PIGK: variants seen among roughly 807,000 people sequenced by gnomAD.
PIGK encodes the protein phosphatidylinositol glycan anchor biosynthesis class K.
Under a neutral mutation model 50.6 loss-of-function variants are expected in PIGK, and 42 were observed. The ratio of observed to expected loss-of-function variants is 0.83; its 90% CI spans 0.65 to 1.07. PIGK has a LOEUF of 1.07. PIGK is among the 50% of genes least tolerant of loss of function. The pLI, the probability that PIGK is intolerant of heterozygous loss-of-function variation, is 0.00. For synonymous variants in PIGK, 151 were observed against 156.0 expected (o/e 0.97, Z 0.24); for missense variants, 448 against 488.7 (o/e 0.92, Z 0.78).
intron 9 of PIGK, among the ~76,000 whole-genome samples, chr1:77,133,036 T>C (rs1481806843): frequency 6.6e-6 from 1 of 152,198 alleles, no homozygotes. Flanking sequence ...ATTAACTGAA[T>C]ATGTGGTCCG....
At chr1:77,180,703 G>A (rs113213211) in intron 3 of PIGK, among the ~76,000 whole-genome samples, 5 of 140,782 alleles carry the variant, frequency 3.6e-5, no homozygotes, top group African/African-American at 1.3e-4. Flanking sequence ...AGGACAACTA[G>A]AAGTGGGTGG....
chr1:77,211,985 T>A (rs1219390258), intron 1 of PIGK, among the ~76,000 whole-genome samples: 2 of 152,102 alleles, frequency 1.3e-5, no homozygotes, highest in African/African-American at 2.4e-5. Context: ...ATGCTTCCTG[T>A]TAAAAATTTC....
rs1206370702 is a variant in PIGK at position 77,122,747 on chromosome 1, T to C, written c.987-388A>G. Among the ~76,000 whole-genome samples, 3 of 152,336 alleles carry C rather than the reference T, an allele frequency of 2.0e-5. 1 individual carries two copies. The South Asian group carries it at 6.2e-4, about 32-fold the overall frequency. On this transcript the variant is annotated intron_variant, in intron 9 of 10. Coordinates refer to ENST00000370812, the MANE Select transcript of PIGK (RefSeq NM_005482.3). ...ACCCTTTCTCTATTTAACAGTCTAC[T>C]GTTTTAGTTATATTTAACTACTGGC...
intron 3 of PIGK, among the ~76,000 whole-genome samples, chr1:77,196,922 G>T (rs923047579): frequency 6.6e-6 from 1 of 151,976 alleles, no homozygotes; most frequent in Admixed American, 6.6e-5. Flanking sequence ...TATTTCCTAA[G>T]TTTTCTTCTA....
chr1:77,183,542 T>C (rs1371323980), intron 3 of PIGK, among the ~76,000 whole-genome samples: 3 of 152,182 alleles, frequency 2.0e-5, no homozygotes, highest in African/African-American at 4.8e-5. Flanking sequence ...GGAGGTGCAC[T>C]ACACTTGAAG....
chr1:77,198,802 C>G (rs1279370923), intron 3 of PIGK, among the ~76,000 whole-genome samples: 4 of 152,008 alleles, frequency 2.6e-5, no homozygotes, highest in Non-Finnish European at 5.9e-5. Flanking sequence ...AGCCCCTTCT[C>G]TCTAAATTAA....
rs144243006 is a variant in PIGK at position 77,160,518 on chromosome 1, G to A, written c.813+777C>T. ...TTCTAAGTCCCATGAAAGCAGGAAC[G>A]GCATCTGCCTCTTTCATTAGGAACA... On this transcript the variant is annotated intron_variant, in intron 8 of 10. Transcript: ENST00000370812. 2.7e-3 allele frequency among the ~76,000 whole-genome samples: 416 copies of A among 152,254 alleles called. 2 individuals carry two copies. Among genetic ancestry groups the A allele is most frequent in the African/African-American group, 8.4e-3 (347 of 41,552 alleles).
At chr1:77,123,821 G>A (rs1242587831) in intron 9 of PIGK, among the ~76,000 whole-genome samples, 3 of 151,962 alleles carry the variant, frequency 2.0e-5, no homozygotes, top group Non-Finnish European at 2.9e-5. Flanking sequence ...GGGCTGAATT[G>A]TGCCCTTCAA....
chr1:77,088,999 A>T lies in PIGK; in HGVS notation c.*3375T>A, dbSNP rs926884570. On this transcript the variant is annotated 3_prime_UTR_variant, in exon 11 of 11. Transcript: ENST00000370812. ...TGCCACCTTTCCATGTTTGGAGTAA[A>T]TAAATTTTTAATAACCAGTTTCTTG... 1.3e-5 allele frequency: 2 copies of T among 152,184 alleles called. No homozygotes were observed. The highest frequency in any genetic ancestry group is 2.9e-5 in the Non-Finnish European group (2 of 68,046). The allele number at this position is 152,184 out of a possible 1,614,324, so 9.4% of individuals were successfully genotyped here.
At chr1:77,162,607 T>A (rs970223935) in intron 6 of PIGK, among the ~76,000 whole-genome samples, 1 of 152,150 alleles carries the variant, frequency 6.6e-6, no homozygotes, top group Admixed American at 6.6e-5. Context: ...CAGGTATCCA[T>A]TGCACAATAA....
At chr1:77,121,299 C>T (rs1654090349) in intron 10 of PIGK, among the ~76,000 whole-genome samples, 1 of 152,094 alleles carries the variant, frequency 6.6e-6, no homozygotes, top group Admixed American at 6.5e-5. Flanking sequence ...TAAACTGGAC[C>T]TGATTACCAA....
chr1:77,122,506 T>A (rs1244670998), intron 9 of PIGK, 147 bp from the exon 10 acceptor site: 1 of 574,174 alleles, frequency 1.7e-6, no homozygotes, highest in East Asian at 2.9e-5. Flanking sequence ...TTTGAAACAC[T>A]ACCATTGAAA....
At chr1:77,126,415 C>A (rs1463081880) in intron 9 of PIGK, among the ~76,000 whole-genome samples, 2 of 152,070 alleles carry the variant, frequency 1.3e-5, no homozygotes, top group East Asian at 3.8e-4. Flanking sequence ...TTTCTCAGTT[C>A]AACAGCACCC....
chr1:77,187,557 C>T (rs753022234), intron 3 of PIGK, among the ~76,000 whole-genome samples: 2 of 152,198 alleles, frequency 1.3e-5, no homozygotes, highest in Non-Finnish European at 2.9e-5. Flanking sequence ...AAGGGAGTTA[C>T]AGTGTCAGTT....
chr1:77,212,107 C>A (rs547329256), intron 1 of PIGK, among the ~76,000 whole-genome samples: 6 of 152,084 alleles, frequency 3.9e-5, no homozygotes, highest in Non-Finnish European at 8.8e-5. Flanking sequence ...TAAAGTAAGT[C>A]TAAATTATAT....
At chr1:77,207,307 T>A (rs1656312841) in intron 2 of PIGK, among the ~76,000 whole-genome samples, 2 of 152,228 alleles carry the variant, frequency 1.3e-5, no homozygotes, top group South Asian at 4.1e-4. Flanking sequence ...AACTTAGTTA[T>A]CACAATTTCT....
At chr1:77,092,785 C>T (rs1282171048) in intron 10 of PIGK, among the ~76,000 whole-genome samples, 4 of 152,074 alleles carry the variant, frequency 2.6e-5, no homozygotes, top group African/African-American at 9.7e-5. Flanking sequence ...TACTCAGTAG[C>T]CTAACAGTCT....
chr1:77,215,939 A>G (rs985303186), intron 1 of PIGK, among the ~76,000 whole-genome samples: 6 of 152,164 alleles, frequency 3.9e-5, no homozygotes, highest in African/African-American at 1.4e-4. Context: ...AAGAATAGGA[A>G]GGTGACGGGG....
chr1:77,109,771 G>A (rs1048871046), intron 10 of PIGK, among the ~76,000 whole-genome samples: 1 of 151,956 alleles, frequency 6.6e-6, no homozygotes, highest in Non-Finnish European at 1.5e-5. Context: ...GGCAATTAGG[G>A]AGGAGAAGGA....
Sources: gnomAD v4.1 joint callset for allele counts (sites outside exome capture counted in the v4.1 genomes callset) on GRCh38, gnomAD v4.1.1 for gene constraint, MANE v1.5 for transcripts, NCBI Gene and HGNC (gene_info 2026-07-23, HGNC 2026-07-21) for gene names.